TRPC7: variants seen among roughly 807,000 people sequenced by gnomAD.
TRPC7 encodes short transient receptor potential channel 7.
A neutral mutation model predicts 90.1 loss-of-function variants in TRPC7; 42 were observed. The ratio of observed to expected loss-of-function variants is 0.47; its 90% CI spans 0.36 to 0.60. TRPC7 has a LOEUF of 0.60. Among genes scored for constraint, TRPC7 ranks in the 20% least tolerant of loss-of-function variants. TRPC7 has a pLI of 0.00. For synonymous variants in TRPC7, 451 were observed against 436.3 expected, an observed-to-expected ratio of 1.03 and a Z score of -0.42; for missense variants, 955 against 1,112.3, an observed-to-expected ratio of 0.86 and a Z score of 2.01.
intron 2 of TRPC7, among the ~76,000 whole-genome samples, chr5:136,331,558 G>C (rs1349952781): frequency 6.6e-6 from 1 of 152,064 alleles, no homozygotes; most frequent in African/African-American, 2.4e-5. Flanking sequence ...TTATTCCTGG[G>C]GAAACATTTC....
chr5:136,274,852 C>T lies in TRPC7; in HGVS notation c.964-15G>A. On this transcript the variant is annotated splice_polypyrimidine_tract_variant and intron_variant, in intron 3 of 11. Transcript: ENST00000513104. ...TGAGCAACGAACTGTAAAAACAAAACAAAAACAAAAACAAAACGCAAACAG... is the reference window on the plus strand; with the variant it reads ...TGAGCAACGAACTGTAAAAACAAAATAAAAACAAAAACAAAACGCAAACAG... 1 of 1,549,634 alleles carries T rather than the reference C, an allele frequency of 6.5e-7. No homozygotes were observed.
In TRPC7 at chr5:136,251,714, T is replaced by C. The variant is rs199830148; in HGVS notation, c.1514A>G (p.Gln505Arg). The change falls in exon 6 of 12, where the codon CAG (glutamine) becomes CGG (arginine). Residue 505 changes from glutamine to arginine, a missense_variant. Physicochemically the swap from Gln to Arg is conservative, Grantham distance 43 (BLOSUM62 1). Transcript: ENST00000513104. ...KATEAQLYVD[Q>R]HVQDDTLHNV... ...GTGCAGCGTGTCGTCCTGCACGTGC[T>C]GGTCCACGTACAGCTGTGCCTCCGT... 567 of 1,613,964 alleles carry C rather than the reference T, an allele frequency of 3.5e-4. 4 individuals carry two copies. The African/African-American group carries it at 6.7e-3, about 19-fold the overall frequency.
intron 3 of TRPC7, among the ~76,000 whole-genome samples, chr5:136,276,483 C>A (rs1744570205): frequency 2.6e-5 from 4 of 152,144 alleles, no homozygotes. Context: ...ATAAATAGAG[C>A]TATTTTAAAA....
Position 136,247,747 on chromosome 5 carries a change from CA to C in TRPC7, c.1580-13del, listed in dbSNP as rs746729721. The C allele has an allele frequency of 1.7e-5, 27 of 1,608,594 alleles. No individual in the cohort carries two copies. Among genetic ancestry groups the C allele is most frequent in the Non-Finnish European group, 2.2e-5 (26 of 1,176,314 alleles). On this transcript the variant is annotated splice_polypyrimidine_tract_variant and intron_variant, in intron 6 of 11. Coordinates refer to ENST00000513104, the MANE Select transcript of TRPC7 (RefSeq NM_020389.3). The surrounding 1 kb of genome is among the most constrained non-coding windows in gnomAD (Gnocchi z 4.2). ...CCACTTGTCCCTGGCTAAAAGAAAA[CA>C]ATCTGGGTTACTCACGAGGCCACAG...
chr5:136,249,049 A>C (rs1756437535), intron 6 of TRPC7, among the ~76,000 whole-genome samples: 1 of 152,198 alleles, frequency 6.6e-6, no homozygotes, highest in Admixed American at 6.5e-5. Flanking sequence ...GAGAAACCTA[A>C]ATTAGCACTT....
rs1299144877 is a variant in TRPC7 at position 136,247,130 on chromosome 5, T to C, written c.1844+341A>G. Among the ~76,000 whole-genome samples the C allele has an allele frequency of 2.0e-5, 3 of 152,222 alleles. No individual in the cohort carries two copies. Among genetic ancestry groups the C allele is most frequent in the African/African-American group, 7.2e-5 (3 of 41,458 alleles). ...TATATTAATGGCATTCTGTTTTTAG[T>C]AGTGGTCTTTCCATTTATGAAATTT... On this transcript the variant is annotated intron_variant, in intron 7 of 11. Coordinates refer to ENST00000513104, the MANE Select transcript of TRPC7 (RefSeq NM_020389.3). The surrounding 1 kb of genome is among the most constrained non-coding windows in gnomAD (Gnocchi z 4.2).
intron 7 of TRPC7, among the ~76,000 whole-genome samples, chr5:136,246,812 TTAC>T (rs1171122191): frequency 6.6e-6 from 1 of 152,196 alleles, no homozygotes; most frequent in Non-Finnish European, 1.5e-5. Flanking sequence ...CATATTGAGT[TTAC>T]TACGTGAGTT....
At position 136,231,557 on chromosome 5, in the gene TRPC7, G is replaced by C. The variant is rs746554272; in HGVS notation, c.1845-8C>G. The stretch of plus-strand genomic sequence containing the variant: ...TTAAAACTTTCTTCAACCCTGCAAA[G>C]AAACAGACGGTCCTTTTACGCAGTT... On this transcript the variant is annotated splice_polypyrimidine_tract_variant and splice_region_variant and intron_variant, in intron 7 of 11. Transcript: ENST00000513104. The C allele has an allele frequency of 6.3e-7, 1 of 1,579,848 alleles. No individual in the cohort carries two copies. The highest frequency in any genetic ancestry group is 1.8e-5 in the Admixed American group (1 of 57,132).
chr5:136,270,180 G>T (rs962644431), intron 4 of TRPC7, among the ~76,000 whole-genome samples: 1 of 152,168 alleles, frequency 6.6e-6, no homozygotes, highest in African/African-American at 2.4e-5. Flanking sequence ...GTGTGTGCGC[G>T]CACACGTGGG....
At chr5:136,346,052 C>A (rs1759993868) in intron 2 of TRPC7, among the ~76,000 whole-genome samples, 2 of 151,960 alleles carry the variant, frequency 1.3e-5, no homozygotes, top group Non-Finnish European at 2.9e-5. Context: ...CTGTTCTGTT[C>A]CATTGGTCTA....
chr5:136,329,960 T>G (rs1028540091), intron 2 of TRPC7, among the ~76,000 whole-genome samples: 2 of 152,080 alleles, frequency 1.3e-5, no homozygotes, highest in African/African-American at 4.8e-5. Context: ...ATTCTCTGTT[T>G]TCTCTCTCTC....
intron 5 of TRPC7, among the ~76,000 whole-genome samples, chr5:136,254,373 A>C (rs563578621): frequency 6.6e-6 from 1 of 152,308 alleles, no homozygotes; most frequent in African/African-American, 2.4e-5. Context: ...GTTAGGGACT[A>C]CTGCGGCTGG....
chr5:136,309,635 G>A (rs1386029226), intron 3 of TRPC7, among the ~76,000 whole-genome samples: 3 of 152,196 alleles, frequency 2.0e-5, no homozygotes, highest in Non-Finnish European at 4.4e-5. Context: ...CCAGGTGAAA[G>A]CACACAATTG....
chr5:136,246,236 T>G (rs1161427007), intron 7 of TRPC7, among the ~76,000 whole-genome samples: 5 of 152,228 alleles, frequency 3.3e-5, no homozygotes, highest in Non-Finnish European at 7.3e-5. Flanking sequence ...TCCTTCCTGC[T>G]GCAGAGGCAC....
intron 10 of TRPC7, among the ~76,000 whole-genome samples, chr5:136,216,538 G>A (rs1755275056): frequency 6.6e-6 from 1 of 152,192 alleles, no homozygotes; most frequent in Non-Finnish European, 1.5e-5. Flanking sequence ...GCTGAGCCAA[G>A]CAGAGAGAGA....
At chr5:136,230,658 G>C (rs191058560) in intron 8 of TRPC7, among the ~76,000 whole-genome samples, 4 of 152,258 alleles carry the variant, frequency 2.6e-5, no homozygotes, top group Non-Finnish European at 5.9e-5. Context: ...ATTTCTTGCT[G>C]TTCCAAACAA....
chr5:136,281,510 G>A (rs1580895816), intron 3 of TRPC7, among the ~76,000 whole-genome samples: 1 of 152,204 alleles, frequency 6.6e-6, no homozygotes, highest in African/African-American at 2.4e-5. Context: ...AGGAAGAGCA[G>A]CAGTTCCCTG....
chr5:136,279,882 A>C (rs904372844), intron 3 of TRPC7, among the ~76,000 whole-genome samples: 2 of 152,184 alleles, frequency 1.3e-5, no homozygotes, highest in African/African-American at 2.4e-5. Context: ...TTAACACCTC[A>C]GCAGCCTTCA....
chr5:136,331,407 T>G (rs1166594137), intron 2 of TRPC7, among the ~76,000 whole-genome samples: 1 of 151,484 alleles, frequency 6.6e-6, no homozygotes, highest in African/African-American at 2.4e-5. Flanking sequence ...CAATGGAGAG[T>G]GAGGCAGGCA....
Sources: allele counts gnomAD v4.1 joint callset (sites outside exome capture counted in the v4.1 genomes callset), GRCh38; gene constraint gnomAD v4.1.1; non-coding constraint Gnocchi (gnomAD v3.1); transcripts MANE v1.5; gene names NCBI Gene and HGNC (gene_info 2026-07-23, HGNC 2026-07-21).